DDIAS: variants seen among roughly 807,000 people sequenced by gnomAD.
The protein encoded by DDIAS is DNA damage induced apoptosis suppressor.
Under a neutral mutation model 15.7 loss-of-function variants are expected in DDIAS, and 14 were observed. The observed-to-expected ratio is 0.89, with a 90% CI of 0.59 to 1.39. DDIAS has a LOEUF of 1.39. DDIAS is among the 40% of genes most tolerant of loss of function. The pLI, the probability that DDIAS is intolerant of heterozygous loss-of-function variation, is 0.00. For synonymous variants in DDIAS, 355 were observed against 395.9 expected, an observed-to-expected ratio of 0.90 and a Z score of 1.23; for missense variants, 1,035 against 1,130.9, an observed-to-expected ratio of 0.92 and a Z score of 1.22.
intron 2 of DDIAS, 73 bp from the exon 3 acceptor site, chr11:82,914,650 G>A: frequency 1.4e-6 from 1 of 715,384 alleles, no homozygotes; most frequent in Non-Finnish European, 2.4e-6. Flanking sequence ...AGGTTAAGTG[G>A]TTTTCCTAAG....
chr11:82,925,862 C>G (rs1407874010), intron 3 of DDIAS, among the ~76,000 whole-genome samples: 2 of 151,764 alleles, frequency 1.3e-5, no homozygotes, highest in East Asian at 3.9e-4. Flanking sequence ...GTGGCGGGCA[C>G]CTGTAGTCCC....
chr11:82,920,478 T>G (rs767319950), intron 3 of DDIAS, among the ~76,000 whole-genome samples: 9 of 152,228 alleles, frequency 5.9e-5, no homozygotes, highest in Non-Finnish European at 1.2e-4. Flanking sequence ...AATGTCAGTT[T>G]GTGTTCTTTC....
At chr11:82,909,973 A>G (rs916482010) in intron 1 of DDIAS, among the ~76,000 whole-genome samples, 1 of 152,176 alleles carries the variant, frequency 6.6e-6, no homozygotes, top group Non-Finnish European at 1.5e-5. Context: ...AATTAGTATC[A>G]CTTTAACATC....
At chr11:82,914,227 G>A (rs562251348) in intron 2 of DDIAS, 4 of 228,158 alleles carry the variant, frequency 1.8e-5, no homozygotes, top group East Asian at 1.6e-4. Context: ...GAGCCACCAC[G>A]CCCGGCCACA....
chr11:82,922,449 G>A (rs1166727691), intron 3 of DDIAS, among the ~76,000 whole-genome samples: 1 of 152,066 alleles, frequency 6.6e-6, no homozygotes, highest in Non-Finnish European at 1.5e-5. Context: ...GGGTTAATTT[G>A]AAGACCTTGT....
intron 3 of DDIAS, among the ~76,000 whole-genome samples, 190 bp downstream of exon 3, chr11:82,915,041 G>A (rs920046592): frequency 2.0e-5 from 3 of 152,188 alleles, no homozygotes; most frequent in Non-Finnish European, 4.4e-5. Context: ...TTAAGTTACT[G>A]TCAAGTCCTT....
chr11:82,920,489 A>C (rs1214534186), intron 3 of DDIAS, among the ~76,000 whole-genome samples: 1 of 151,960 alleles, frequency 6.6e-6, no homozygotes, highest in Non-Finnish European at 1.5e-5. Flanking sequence ...GTGTTCTTTC[A>C]GTCTTTTTGA....
At chr11:82,928,749 T>G (rs1349905846) in intron 3 of DDIAS, 28 bp from the exon 4 acceptor site, 2 of 1,607,866 alleles carry the variant, frequency 1.2e-6, no homozygotes, top group Admixed American at 1.7e-5. Context: ...AATGAACATC[T>G]CCACACTTTT....
chr11:82,909,622 G>C (rs1860488080), intron 1 of DDIAS, among the ~76,000 whole-genome samples: 1 of 152,110 alleles, frequency 6.6e-6, no homozygotes, highest in African/African-American at 2.4e-5. Flanking sequence ...TGAGGTTTTA[G>C]CACTTACAAT....
At chr11:82,918,761 GT>G (rs1010920949) in intron 3 of DDIAS, among the ~76,000 whole-genome samples, 8 of 151,818 alleles carry the variant, frequency 5.3e-5, no homozygotes, top group Admixed American at 5.2e-4. Flanking sequence ...ATGTTTTGTA[GT>G]TTTTCTTGTA....
At chr11:82,919,285 G>A (rs1181000706) in intron 3 of DDIAS, among the ~76,000 whole-genome samples, 1 of 152,252 alleles carries the variant, frequency 6.6e-6, no homozygotes, top group East Asian at 1.9e-4. Flanking sequence ...TGCCACTTTC[G>A]CTGAGAGTTT....
intron 1 of DDIAS, among the ~76,000 whole-genome samples, chr11:82,903,164 T>A (rs1005749741): frequency 1.3e-5 from 2 of 152,120 alleles, no homozygotes; most frequent in Admixed American, 6.5e-5. Flanking sequence ...GAAAGGACAG[T>A]TGTATGAGAT....
intron 1 of DDIAS, 58 bp downstream of exon 1, chr11:82,901,880 TCTTAA>T (rs1032301637): frequency 6.6e-6 from 1 of 152,178 alleles, no homozygotes; most frequent in African/African-American, 2.4e-5. Context: ...CTAAGGAGGC[TCTTAA>T]CTTCATTATG....
chr11:82,933,951 A>AAT lies in DDIAS; in HGVS notation c.2616_2617dup (p.Phe873TyrfsTer12), dbSNP rs1861061503. ...AATGGGTCCCTCCTACCACACAAAAAATATTTCCTTCAGATATGCTTGGAT... is the reference window on the plus strand; with the variant it reads ...AATGGGTCCCTCCTACCACACAAAAAATATATTTCCTTCAGATATGCTTGGAT... On this transcript the variant is annotated frameshift_variant, in exon 6 of 6. Coordinates refer to ENST00000533655, the MANE Select transcript of DDIAS (RefSeq NM_145018.4). LOFTEE classifies it low-confidence loss of function (END_TRUNC). 1 of 1,612,540 alleles carries AAT rather than the reference A, an allele frequency of 6.2e-7. No homozygotes were observed. Among genetic ancestry groups the AAT allele is most frequent in the Non-Finnish European group, 8.5e-7 (1 of 1,179,660 alleles).
chr11:82,925,574 G>T (rs754653967), intron 3 of DDIAS, among the ~76,000 whole-genome samples: 5 of 152,090 alleles, frequency 3.3e-5, no homozygotes, highest in Admixed American at 6.6e-5. Flanking sequence ...CTCCAGCCTG[G>T]GCAGCAGAAT....
At chr11:82,929,641 T>C (rs551196595) in intron 4 of DDIAS, among the ~76,000 whole-genome samples, 1 of 151,350 alleles carries the variant, frequency 6.6e-6, no homozygotes, top group African/African-American at 2.4e-5. Context: ...GAGGCAGAGC[T>C]TGTAGTGAGC....
At chr11:82,928,412 GA>G (rs1372501313) in intron 3 of DDIAS, among the ~76,000 whole-genome samples, 1 of 151,580 alleles carries the variant, frequency 6.6e-6, no homozygotes, top group Non-Finnish European at 1.5e-5. Context: ...TGTTAGCTAG[GA>G]TGGTCTCAAT....
In DDIAS at chr11:82,934,007, C is replaced by G. The variant is rs1220687649; in HGVS notation, c.2669C>G (p.Ala890Gly). ...FQGIGLGKCL[A>G]AYHFPDQQEL... ...GGCATAGGTCTAGGGAAATGCCTTG[C>G]TGCCTATCATTTCCCTGATCAACAA... The change falls in exon 6 of 6, where the codon GCT becomes GGT. Residue 890 changes from alanine (A) to glycine (G), a missense_variant. Ala to Gly is a moderately conservative substitution (Grantham distance 60). Coordinates refer to ENST00000533655, the MANE Select transcript of DDIAS (RefSeq NM_145018.4). 6.2e-7 allele frequency: 1 copy of G among 1,613,706 alleles called. No individual in the cohort carries two copies. Among genetic ancestry groups the G allele is most frequent in the South Asian group, 1.1e-5 (1 of 90,976 alleles).
chr11:82,934,321 GA>G lies in DDIAS; in HGVS notation c.2985del (p.Glu995AspfsTer13). ...VCETRSAWSPELFS is the reference protein window; with the variant it reads ...VCETRSAWSPXLFS ...TGAAACTCGAAGTGCTTGGTCACCT[GA>G]ATTGTTTTCATAAAAAGTCACCTGA... On this transcript the variant is annotated frameshift_variant, in exon 6 of 6. Transcript: ENST00000533655. LOFTEE classifies it high-confidence loss of function. 1 of 1,584,158 alleles carries G rather than the reference GA, an allele frequency of 6.3e-7. No individual in the cohort carries two copies. The highest frequency in any genetic ancestry group is 8.6e-7 in the Non-Finnish European group (1 of 1,168,362).
Sources: allele counts gnomAD v4.1 joint callset (sites outside exome capture counted in the v4.1 genomes callset), GRCh38; gene constraint gnomAD v4.1.1; transcripts MANE v1.5; gene names NCBI Gene and HGNC (gene_info 2026-07-23, HGNC 2026-07-21).